Variants in NPIPA5 observed in about 807,000 individuals in gnomAD.
NPIPA5 encodes the protein nuclear pore complex interacting protein family member A5.
In NPIPA5, 6 loss-of-function variants were observed where a neutral mutation model predicts 21.4. The observed-to-expected ratio is 0.28, with a 90% CI of 0.15 to 0.55. The LOEUF (loss-of-function observed/expected upper bound fraction) is 0.55. Ranked by LOEUF, NPIPA5 falls within the 20% of genes least tolerant of loss-of-function variation. The probability of loss-of-function intolerance (pLI) is 0.93; values close to 1 mark genes in which losing one functional copy is unlikely to be tolerated. For synonymous variants in NPIPA5, 33 were observed against 115.3 expected, an observed-to-expected ratio of 0.29 and a Z score of 4.57; for missense variants, 99 against 318.2, an observed-to-expected ratio of 0.31 and a Z score of 5.24.
chr16:15,377,756 G>C (rs1301191101), intron 1 of NPIPA5, among the ~76,000 whole-genome samples: 2 of 147,226 alleles, frequency 1.4e-5, no homozygotes, highest in Non-Finnish European at 3.0e-5. Flanking sequence ...AAAGGATCCG[G>C]TTCAAATTAA....
intron 1 of NPIPA5, among the ~76,000 whole-genome samples, chr16:15,376,118 G>A (rs1459965982): frequency 6.6e-6 from 1 of 152,008 alleles, no homozygotes; most frequent in Non-Finnish European, 1.5e-5. Context: ...ACACAAAAGA[G>A]TACCTATGGC....
At chr16:15,372,126 A>G (rs1371172387) in intron 2 of NPIPA5, among the ~76,000 whole-genome samples, 1 of 148,850 alleles carries the variant, frequency 6.7e-6, no homozygotes, top group Non-Finnish European at 1.5e-5. Flanking sequence ...GAGAGGTACA[A>G]AGTTGTCCAA....
At chr16:15,376,100 T>G (rs1200567485) in intron 1 of NPIPA5, among the ~76,000 whole-genome samples, 1 of 152,088 alleles carries the variant, frequency 6.6e-6, no homozygotes, top group African/African-American at 2.4e-5. Context: ...TTGAGCAGAA[T>G]AAAGCAGACA....
At chr16:15,374,440 C>T (rs1002387650) in intron 1 of NPIPA5, among the ~76,000 whole-genome samples, 52 of 151,876 alleles carry the variant, frequency 3.4e-4, no homozygotes, top group African/African-American at 1.2e-3. Flanking sequence ...AGGCGATCTG[C>T]CTGCCTCGGC....
intron 1 of NPIPA5, among the ~76,000 whole-genome samples, chr16:15,374,195 ATTTT>A (rs373986601): frequency 6.8e-6 from 1 of 146,144 alleles, no homozygotes; most frequent in Non-Finnish European, 1.5e-5. Flanking sequence ...TAAAAAAAAA[ATTTT>A]TTTTTTTTTT....
chr16:15,381,120 G>A (rs2050427735), upstream of NPIPA5: 2 of 1,534,234 alleles, frequency 1.3e-6, no homozygotes, highest in Non-Finnish European at 1.7e-6. Flanking sequence ...AGTGTTGAAT[G>A]AGTGGAAAAA....
At chr16:15,372,750 G>T (rs1312709877) in intron 2 of NPIPA5, among the ~76,000 whole-genome samples, 1 of 145,174 alleles carries the variant, frequency 6.9e-6, no homozygotes, top group Middle Eastern at 3.5e-3. Flanking sequence ...TCAGAAGGAG[G>T]TTCAGCCCCC....
chr16:15,371,070 A>C (rs1270741715), intron 2 of NPIPA5, among the ~76,000 whole-genome samples: 2 of 139,620 alleles, frequency 1.4e-5, no homozygotes, highest in Non-Finnish European at 3.1e-5. Flanking sequence ...AAATGACATG[A>C]ATATACTTCA....
intron 2 of NPIPA5, among the ~76,000 whole-genome samples, chr16:15,371,316 G>A (rs530862449): frequency 3.5e-5 from 5 of 142,940 alleles, no homozygotes; most frequent in African/African-American, 7.5e-5. Context: ...CATCAGCTTC[G>A]TTGAGGCTGG....
At chr16:15,374,156 TACACTA>T (rs1299840152) in intron 1 of NPIPA5, among the ~76,000 whole-genome samples, 1 of 149,470 alleles carries the variant, frequency 6.7e-6, no homozygotes, top group Admixed American at 6.7e-5. Context: ...ACACATAACA[TACACTA>T]ACACTAACAA....
upstream of NPIPA5, among the ~76,000 whole-genome samples, chr16:15,379,803 G>A (rs1227475209): frequency 1.3e-5 from 2 of 151,820 alleles, no homozygotes; most frequent in Non-Finnish European, 2.9e-5. Context: ...AAATTAGCTG[G>A]GCATGGTGGC....
upstream of NPIPA5, among the ~76,000 whole-genome samples, chr16:15,379,925 C>G (rs893208097): frequency 6.6e-6 from 1 of 150,756 alleles, no homozygotes; most frequent in Non-Finnish European, 1.5e-5. Flanking sequence ...GCCTGGGGGA[C>G]AGAGTGAAAC....
At chr16:15,378,850 C>T (rs1312127484), upstream of NPIPA5, among the ~76,000 whole-genome samples, 1 of 102,912 alleles carries the variant, frequency 9.7e-6, no homozygotes, top group African/African-American at 3.8e-5. Flanking sequence ...AGCTGACTTT[C>T]ATGACTGGCC....
At chr16:15,379,859 G>A (rs932895756), upstream of NPIPA5, among the ~76,000 whole-genome samples, 6 of 151,940 alleles carry the variant, frequency 3.9e-5, no homozygotes, top group Non-Finnish European at 1.5e-5. Context: ...CAGAGGAATT[G>A]CTTGAACCCG....
intron 1 of NPIPA5, among the ~76,000 whole-genome samples, chr16:15,376,779 G>T (rs1177672375): frequency 6.6e-6 from 1 of 151,416 alleles, no homozygotes; most frequent in African/African-American, 2.5e-5. Flanking sequence ...GCCAGGCGTG[G>T]TGGCCTACTA....
intron 4 of NPIPA5, among the ~76,000 whole-genome samples, chr16:15,369,361 C>G (rs2050082672): frequency 6.7e-6 from 1 of 149,214 alleles, no homozygotes; most frequent in Non-Finnish European, 1.5e-5. Context: ...GAGGCTGAGG[C>G]AGGAGAATTG....
chr16:15,379,671 G>C (rs1424004354), upstream of NPIPA5, among the ~76,000 whole-genome samples: 1 of 152,020 alleles, frequency 6.6e-6, no homozygotes, highest in African/African-American at 2.4e-5. Flanking sequence ...GATTTGGCTG[G>C]GCATGGTGGC....
At chr16:15,370,341 G>A (rs1258741515) in intron 2 of NPIPA5, among the ~76,000 whole-genome samples, 10 of 142,798 alleles carry the variant, frequency 7.0e-5, no homozygotes, top group East Asian at 2.2e-4. Context: ...GCAGAGAACC[G>A]TTTGAAGCTG....
intron 1 of NPIPA5, among the ~76,000 whole-genome samples, chr16:15,376,838 T>G (rs539196112): frequency 1.3e-5 from 2 of 152,258 alleles, no homozygotes; most frequent in East Asian, 3.9e-4. Flanking sequence ...AATACAAAAA[T>G]TAGCCAGGCA....
Sources: allele counts gnomAD v4.1 joint callset (sites outside exome capture counted in the v4.1 genomes callset), GRCh38; gene constraint gnomAD v4.1.1; transcripts MANE v1.5; gene names NCBI Gene and HGNC (gene_info 2026-07-23, HGNC 2026-07-21).